CSTA: variants seen among roughly 807,000 people sequenced by gnomAD.
CSTA encodes the protein cystatin A, also known as cystatin-A.
A neutral mutation model predicts 9.2 loss-of-function variants in CSTA; 9 were observed. The ratio of observed to expected loss-of-function variants is 0.97; its 90% CI spans 0.59 to 1.70. CSTA has a LOEUF of 1.70. Among genes scored for constraint, CSTA ranks in the 40% most tolerant of loss-of-function variants. CSTA has a pLI of 0.00. For synonymous variants in CSTA, 36 were observed against 40.6 expected (o/e 0.89, Z 0.43); for missense variants, 118 against 113.1 (o/e 1.04, Z -0.20).
intron 1 of CSTA, among the ~76,000 whole-genome samples, chr3:122,335,147 A>G (rs935767505): frequency 6.6e-6 from 1 of 152,162 alleles, no homozygotes; most frequent in African/African-American, 2.4e-5. Flanking sequence ...TACATATTGA[A>G]TTTGGGACTG....
intron 1 of CSTA, among the ~76,000 whole-genome samples, chr3:122,329,152 G>C (rs2075188238): frequency 6.6e-6 from 1 of 151,450 alleles, no homozygotes; most frequent in African/African-American, 2.4e-5. Context: ...TTTTTTAGTA[G>C]AGACGGGGTT....
In CSTA at chr3:122,337,506, A is replaced by C. The variant is rs187135491; in HGVS notation, c.67-41A>C. On this transcript the variant is annotated intron_variant, in intron 1 of 2. Transcript: ENST00000264474. ...GGGTACATTGCATACATGGAGTCTA[A>C]TATAGCTTTGATTATTTGTTTCCTC... 3.6e-5 allele frequency: 51 copies of C among 1,404,440 alleles called. No individual in the cohort carries two copies. In the Admixed American group the frequency reaches 8.6e-4, roughly 24 times the overall value. 87.0% of individuals were successfully genotyped at this position (1,404,440 alleles called of 1,614,324 possible). A position where few individuals can be genotyped will look rare whatever the true frequency, so the allele number is the denominator to read the frequency against.
chr3:122,332,872 G>A (rs376787763), intron 1 of CSTA, among the ~76,000 whole-genome samples: 3 of 152,152 alleles, frequency 2.0e-5, no homozygotes, highest in African/African-American at 7.2e-5. Context: ...TGCCCATCCT[G>A]GGGAGTCTTT....
intron 1 of CSTA, among the ~76,000 whole-genome samples, chr3:122,333,344 C>T (rs1339617260): frequency 6.6e-6 from 1 of 152,000 alleles, no homozygotes; most frequent in Non-Finnish European, 1.5e-5. Flanking sequence ...AACTCCATCT[C>T]TCCAAAAATA....
At chr3:122,331,274 A>G (rs974373224) in intron 1 of CSTA, among the ~76,000 whole-genome samples, 5 of 152,172 alleles carry the variant, frequency 3.3e-5, no homozygotes, top group Admixed American at 6.5e-5. Context: ...GGAACTTAGC[A>G]TGTCATGGCT....
At chr3:122,338,241 A>C (rs935105379) in intron 2 of CSTA, 2 of 152,380 alleles carry the variant, frequency 1.3e-5, no homozygotes, top group Non-Finnish European at 2.9e-5. Context: ...TCTGTCAAAA[A>C]ATTACACAAT....
intron 2 of CSTA, among the ~76,000 whole-genome samples, chr3:122,340,661 A>G (rs932588752): frequency 7.9e-5 from 12 of 152,186 alleles, no homozygotes; most frequent in African/African-American, 1.4e-4. Flanking sequence ...CAATCCTACC[A>G]GTGGGTGTTT....
At chr3:122,327,929 C>A (rs2107664956) in intron 1 of CSTA, among the ~76,000 whole-genome samples, 1 of 152,278 alleles carries the variant, frequency 6.6e-6, no homozygotes, top group Middle Eastern at 3.4e-3. Context: ...TTGCTAATAA[C>A]ACCTATCTGT....
At chr3:122,339,870 T>C (rs910600379) in intron 2 of CSTA, among the ~76,000 whole-genome samples, 1 of 152,096 alleles carries the variant, frequency 6.6e-6, no homozygotes, top group African/African-American at 2.4e-5. Context: ...AAATGTTACA[T>C]TGTAGAGTGA....
intron 1 of CSTA, among the ~76,000 whole-genome samples, chr3:122,330,352 A>C (rs962619823): frequency 6.6e-6 from 1 of 152,230 alleles, no homozygotes; most frequent in African/African-American, 2.4e-5. Context: ...CCAACTGAAG[A>C]ACCCCATTAG....
intron 1 of CSTA, among the ~76,000 whole-genome samples, chr3:122,331,104 A>AACACACACACAC (rs10575257): frequency 3.3e-4 from 47 of 141,180 alleles, no homozygotes; most frequent in African/African-American, 1.2e-3. Context: ...GCACACAACA[A>AACACACACACAC]ACACACACAC....
chr3:122,328,250 C>T (rs188367275), intron 1 of CSTA, among the ~76,000 whole-genome samples: 1 of 152,244 alleles, frequency 6.6e-6, no homozygotes, highest in East Asian at 1.9e-4. Context: ...CCTGTAATCC[C>T]AGCACTTTGG....
At chr3:122,333,210 G>A (rs943954285) in intron 1 of CSTA, among the ~76,000 whole-genome samples, 2 of 152,212 alleles carry the variant, frequency 1.3e-5, no homozygotes, top group Admixed American at 6.5e-5. Flanking sequence ...TTCTAGGACA[G>A]ATAGAAATAA....
chr3:122,341,374 C>A, intron 2 of CSTA, 65 bp from the exon 3 acceptor site: 2 of 1,573,826 alleles, frequency 1.3e-6, no homozygotes, highest in Non-Finnish European at 1.7e-6. Context: ...CTGTGGCTCT[C>A]TCACTTGATG....
At chr3:122,333,579 GA>G (rs1290477806) in intron 1 of CSTA, among the ~76,000 whole-genome samples, 39 of 120,488 alleles carry the variant, frequency 3.2e-4, no homozygotes, top group Admixed American at 1.1e-3. Flanking sequence ...AAGAAAGAAA[GA>G]AAGAAAGAAA....
chr3:122,332,873 G>A (rs1331043189), intron 1 of CSTA, among the ~76,000 whole-genome samples: 1 of 152,132 alleles, frequency 6.6e-6, no homozygotes, highest in African/African-American at 2.4e-5. Flanking sequence ...GCCCATCCTG[G>A]GGAGTCTTTC....
intron 1 of CSTA, among the ~76,000 whole-genome samples, chr3:122,330,402 A>T (rs954510765): frequency 6.6e-6 from 1 of 152,214 alleles, no homozygotes; most frequent in East Asian, 1.9e-4. Context: ...TCACATAGAA[A>T]AGGGAAGAGT....
chr3:122,332,715 G>A (rs1038575441), intron 1 of CSTA, among the ~76,000 whole-genome samples: 17 of 152,162 alleles, frequency 1.1e-4, no homozygotes, highest in South Asian at 2.1e-4. Flanking sequence ...GAGACCAAGC[G>A]ACAAACCTCC....
intron 1 of CSTA, among the ~76,000 whole-genome samples, chr3:122,335,713 C>A (rs1165673976): frequency 6.6e-6 from 1 of 150,904 alleles, no homozygotes; most frequent in Non-Finnish European, 1.5e-5. Flanking sequence ...CTCACTGCAA[C>A]CTCCGCCTCC....
Sources: gnomAD v4.1 joint callset for allele counts (sites outside exome capture counted in the v4.1 genomes callset) on GRCh38, gnomAD v4.1.1 for gene constraint, MANE v1.5 for transcripts, NCBI Gene and HGNC (gene_info 2026-07-23, HGNC 2026-07-21) for gene names.